The following DPP6 variants were observed in gnomAD, a reference collection of about 807,000 sequenced individuals.
DPP6 encodes the protein A-type potassium channel modulatory protein DPP6.
In DPP6, 69 loss-of-function variants were observed where a neutral mutation model predicts 122.6. The ratio of observed to expected loss-of-function variants is 0.56; its 90% CI spans 0.46 to 0.69. The LOEUF (loss-of-function observed/expected upper bound fraction) is 0.69, where lower values mean the gene tolerates loss of function less well. Ranked by LOEUF, DPP6 falls within the 30% of genes least tolerant of loss-of-function variation. The pLI is 0.00. For synonymous variants in DPP6, 418 were observed against 433.1 expected, an observed-to-expected ratio of 0.97 and a Z score of 0.43; for missense variants, 928 against 1,116.9, an observed-to-expected ratio of 0.83 and a Z score of 2.41.
rs80206481 is a variant in DPP6 at position 154,332,977 on chromosome 7, G to T, written c.244-113237G>T. Among the ~76,000 whole-genome samples, 1,295 of 152,248 alleles carry T rather than the reference G, an allele frequency of 8.5e-3. 8 individuals carry two copies. Among genetic ancestry groups the T allele is most frequent in the Non-Finnish European group, 0.015 (1,020 of 68,014 alleles). Reference sequence around the variant, plus strand: ...AGGATCTCAGGCGCGGGAGGCTCGCGATGGGTCCGGGGAACAGCTGCTGTG... The same window carrying T: ...AGGATCTCAGGCGCGGGAGGCTCGCTATGGGTCCGGGGAACAGCTGCTGTG... On this transcript the variant is annotated intron_variant, in intron 1 of 25. Coordinates refer to ENST00000377770, the MANE Select transcript of DPP6 (RefSeq NM_130797.4).
the DPP6 span, among the ~76,000 whole-genome samples, chr7:153,799,848 A>G: frequency 6.6e-6 from 1 of 152,234 alleles, no homozygotes; most frequent in African/African-American, 2.4e-5. Flanking sequence ...GCTGTATGAA[A>G]CAGATCAAAA....
At chr7:154,434,512 G>T (rs766236710) in intron 1 of DPP6, among the ~76,000 whole-genome samples, 1 of 151,986 alleles carries the variant, frequency 6.6e-6, no homozygotes, top group African/African-American at 2.4e-5. Context: ...TGCATCTGAC[G>T]TGCTCTTCCA....
At chr7:154,352,839 A>AT (rs200505737) in intron 1 of DPP6, among the ~76,000 whole-genome samples, 1 of 151,768 alleles carries the variant, frequency 6.6e-6, no homozygotes, top group Non-Finnish European at 1.5e-5. Flanking sequence ...ACTTCAGTAA[A>AT]TTTTTTTTTA....
chr7:154,508,571 C>G (rs1825832318), intron 3 of DPP6, among the ~76,000 whole-genome samples: 1 of 152,148 alleles, frequency 6.6e-6, no homozygotes. Context: ...ATCTAACTGC[C>G]AGAGAGCAGG....
At chr7:154,115,461 T>C (rs1806916707) in intron 1 of DPP6, among the ~76,000 whole-genome samples, 2 of 152,202 alleles carry the variant, frequency 1.3e-5, no homozygotes, top group South Asian at 2.1e-4. Flanking sequence ...TTCTCATGGC[T>C]CTTATCAGAG....
At chr7:154,116,964 C>G (rs970157735) in intron 1 of DPP6, among the ~76,000 whole-genome samples, 50 of 152,166 alleles carry the variant, frequency 3.3e-4, no homozygotes, top group South Asian at 6.2e-4. Flanking sequence ...CCTAGGACTC[C>G]CCAAGATCCT....
the DPP6 span, among the ~76,000 whole-genome samples, chr7:153,804,684 G>A: frequency 2.0e-5 from 3 of 152,046 alleles, no homozygotes; most frequent in African/African-American, 4.8e-5. Context: ...CACAAGGTCA[G>A]GAGTTCGAGA....
At chr7:153,773,163 A>C in the DPP6 span, among the ~76,000 whole-genome samples, 1 of 148,678 alleles carries the variant, frequency 6.7e-6, no homozygotes, top group African/African-American at 2.4e-5. Flanking sequence ...CTAATGACAG[A>C]ACACACAAAA....
chr7:154,447,824 A>G (rs569302166), intron 2 of DPP6, among the ~76,000 whole-genome samples: 1 of 152,232 alleles, frequency 6.6e-6, no homozygotes, highest in Non-Finnish European at 1.5e-5. Flanking sequence ...CAAAAAGCAC[A>G]TGATCATCTG....
intron 16 of DPP6, among the ~76,000 whole-genome samples, chr7:154,842,373 T>C (rs1801622524): frequency 6.6e-6 from 1 of 152,262 alleles, no homozygotes; most frequent in African/African-American, 2.4e-5. Context: ...ATTTTTTTTA[T>C]TTATTCTGAT....
rs560114645 is a variant in DPP6, at chr7:154,275,280, C to T, written c.244-170934C>T. Among the ~76,000 whole-genome samples the T allele has an allele frequency of 2.6e-5, 4 of 152,338 alleles. No homozygotes were observed. In the South Asian group the frequency reaches 8.3e-4, roughly 32 times the overall value. Reference sequence around the variant, plus strand: ...TCCTCTGCAGGGCTGAGGCACAGTTCTACCTGTGTGACCTCCTTCCCTCTG... The same window carrying T: ...TCCTCTGCAGGGCTGAGGCACAGTTTTACCTGTGTGACCTCCTTCCCTCTG... On this transcript the variant is annotated intron_variant, in intron 1 of 25. Coordinates refer to ENST00000377770, the MANE Select transcript of DPP6 (RefSeq NM_130797.4).
chr7:154,556,289 A>G (rs73163093), intron 4 of DPP6, among the ~76,000 whole-genome samples: 23,236 of 152,240 alleles, frequency 0.15, 2,051 homozygotes, highest in Non-Finnish European at 0.2. Flanking sequence ...CTCATAGTGA[A>G]TGGTATAAAC....
intron 1 of DPP6, among the ~76,000 whole-genome samples, chr7:153,906,327 G>A (rs1307583674): frequency 6.6e-6 from 1 of 152,272 alleles, no homozygotes; most frequent in Non-Finnish European, 1.5e-5. Flanking sequence ...CCACTGGGTA[G>A]TATGTGACAC....
intron 4 of DPP6, among the ~76,000 whole-genome samples, chr7:154,542,462 A>C (rs1185578544): frequency 2.6e-5 from 4 of 152,246 alleles, no homozygotes; most frequent in Non-Finnish European, 5.9e-5. Flanking sequence ...TGTACATAAC[A>C]GCAGCACTTA....
Position 154,755,687 on chromosome 7 carries a change from C to CA in DPP6, c.884-13728dup, listed in dbSNP as rs1158631537. ...GAAGCTGCCAAGTCTTACTGGAATT[C>CA]AATAAGAAAACTTACTTCCAAAAAT... is the stretch of plus-strand genomic sequence containing the variant. On this transcript the variant is annotated intron_variant, in intron 8 of 25. Transcript: ENST00000377770. This position sits in a 1 kb window ranked among gnomAD's most constrained non-coding sequence, Gnocchi z 4.7. Among the ~76,000 whole-genome samples, 4 of 152,072 alleles carry CA rather than the reference C, an allele frequency of 2.6e-5. No homozygotes were observed. Among genetic ancestry groups the CA allele is most frequent in the African/African-American group, 9.7e-5 (4 of 41,388 alleles).
At chr7:154,202,731 A>G (rs559041907) in intron 1 of DPP6, among the ~76,000 whole-genome samples, 23 of 152,200 alleles carry the variant, frequency 1.5e-4, no homozygotes, top group African/African-American at 5.3e-4. Context: ...ATTCCCCAGA[A>G]TCTTCTTCCA....
chr7:153,873,442 A>C, the DPP6 span, among the ~76,000 whole-genome samples: 8 of 152,326 alleles, frequency 5.3e-5, no homozygotes, highest in Middle Eastern at 3.4e-3. Context: ...TTTAAAACGA[A>C]TGAAAATAGA....
At chr7:154,060,839 CCT>C (rs1467925843) in intron 1 of DPP6, among the ~76,000 whole-genome samples, 1 of 139,690 alleles carries the variant, frequency 7.2e-6, no homozygotes, top group African/African-American at 2.7e-5. Context: ...AGAGCCAGCC[CCT>C]GTTCCCCCAC....
chr7:153,963,505 C>T (rs1795468105), intron 1 of DPP6, among the ~76,000 whole-genome samples: 1 of 147,716 alleles, frequency 6.8e-6, no homozygotes, highest in Admixed American at 6.8e-5. Context: ...CCCAGGTACT[C>T]TTTCCTGTAA....
Sources: allele counts gnomAD v4.1 joint callset (sites outside exome capture counted in the v4.1 genomes callset), GRCh38; gene constraint gnomAD v4.1.1; non-coding constraint Gnocchi (gnomAD v3.1); transcripts MANE v1.5; gene names NCBI Gene and HGNC (gene_info 2026-07-23, HGNC 2026-07-21).